CELF5: variants seen among roughly 807,000 people sequenced by gnomAD.
CELF5 encodes the protein CUGBP Elav-like family member 5, also known as CUG-BP and ETR-3 like factor 5.
A neutral mutation model predicts 54.9 loss-of-function variants in CELF5; 6 were observed. The ratio of observed to expected loss-of-function variants is 0.11; its 90% CI spans 0.06 to 0.22. The LOEUF is 0.22. CELF5 is among the 10% of genes least tolerant of loss of function. The pLI is 1.00. For missense variants in CELF5, 401 were observed against 678.6 expected, an observed-to-expected ratio of 0.59 and a Z score of 4.54; for synonymous variants, 271 against 290.9, an observed-to-expected ratio of 0.93 and a Z score of 0.70.
intron 1 of CELF5, among the ~76,000 whole-genome samples, chr19:3,235,028 A>T (rs1215088920): frequency 6.6e-6 from 1 of 151,774 alleles, no homozygotes; most frequent in Non-Finnish European, 1.5e-5. Context: ...TCCTCCCGTG[A>T]CCTGCCTCAT....
intron 2 of CELF5, among the ~76,000 whole-genome samples, chr19:3,253,045 A>G (rs575681182): frequency 1.5e-3 from 221 of 152,026 alleles, no homozygotes; most frequent in Middle Eastern, 3.4e-3. Context: ...TTCACTGTTC[A>G]TCTTGGACCT....
intron 1 of CELF5, among the ~76,000 whole-genome samples, chr19:3,227,875 A>T (rs931241432): frequency 6.6e-6 from 1 of 152,100 alleles, no homozygotes; most frequent in Non-Finnish European, 1.5e-5. Flanking sequence ...CCCCAAAGCC[A>T]AGAGTGAGGC....
intron 1 of CELF5, among the ~76,000 whole-genome samples, chr19:3,237,735 A>G (rs555280152): frequency 2.0e-5 from 3 of 152,244 alleles, no homozygotes; most frequent in South Asian, 4.1e-4. Context: ...CCAACCTCCT[A>G]TCTCATCTCG....
In CELF5 at chr19:3,282,374, G is replaced by A; in HGVS notation, c.915G>A (p.Leu305=). 2 of 1,610,576 alleles carry A rather than the reference G, an allele frequency of 1.2e-6. No individual in the cohort carries two copies. The highest frequency in any genetic ancestry group is 1.7e-6 in the Non-Finnish European group (2 of 1,179,990). ...CAGGGCTGCACTCACCCCCGCTGCT[G>A]GGCACCACCGCTGTGCCTGGCCTCG... is the stretch of plus-strand genomic sequence containing the variant. ...PASGLHSPPL[L]GTTAVPGLVA... is the part of the protein sequence containing the mutation. The change falls in exon 8 of 13, where the codon CTG becomes CTA. Residue 305 remains leucine, a synonymous_variant. Coordinates refer to ENST00000292672, the MANE Select transcript of CELF5 (RefSeq NM_021938.4). The surrounding 1 kb of genome is among the most constrained non-coding windows in gnomAD (Gnocchi z 5.2).
chr19:3,283,997 T>C (rs1387714450), intron 8 of CELF5, among the ~76,000 whole-genome samples: 1 of 151,678 alleles, frequency 6.6e-6, no homozygotes, highest in Admixed American at 6.6e-5. Context: ...GCCATTATGC[T>C]TGGCTAATTT....
At chr19:3,226,384 T>C (rs1364172731) in intron 1 of CELF5, among the ~76,000 whole-genome samples, 2 of 148,386 alleles carry the variant, frequency 1.3e-5, no homozygotes, top group Non-Finnish European at 3.0e-5. Flanking sequence ...CAGCTGGTTA[T>C]CTTGAGGGAG....
In CELF5 at chr19:3,275,559, G is replaced by C. The variant is rs2080034325; in HGVS notation, c.395-297G>C. On this transcript the variant is annotated intron_variant, in intron 3 of 12. Transcript: ENST00000292672. The surrounding 1 kb of genome is among the most constrained non-coding windows in gnomAD (Gnocchi z 6.7). The stretch of plus-strand genomic sequence containing the variant: ...GAGGGAAAGGTCATCTCCGCCTGGA[G>C]GGGGAGCAGTGGAGCAGAGACCCCA... Among the ~76,000 whole-genome samples, 1 of 152,250 alleles carries C rather than the reference G, an allele frequency of 6.6e-6. No individual in the cohort carries two copies. The highest frequency in any genetic ancestry group is 6.5e-5 in the Admixed American group (1 of 15,292).
At chr19:3,271,620 T>A (rs2079965850) in intron 2 of CELF5, among the ~76,000 whole-genome samples, 1 of 151,486 alleles carries the variant, frequency 6.6e-6, no homozygotes, top group African/African-American at 2.4e-5. Flanking sequence ...AAGGAGGGTG[T>A]CAGAATGGGA....
At chr19:3,285,109 A>G in intron 9 of CELF5, 145 bp downstream of exon 9, 1 of 638,946 alleles carries the variant, frequency 1.6e-6, no homozygotes, top group East Asian at 2.8e-5. Context: ...GCCCACCCTT[A>G]GCCCCTTGTC....
At position 3,282,240 on chromosome 19, in the gene CELF5, C is replaced by T. The variant is rs781743856; in HGVS notation, c.865C>T (p.Pro289Ser). 1.2e-5 allele frequency: 19 copies of T among 1,613,214 alleles called. No individual in the cohort carries two copies. The highest frequency in any genetic ancestry group is 1.5e-5 in the Non-Finnish European group (18 of 1,180,038). ...AGGCGCCGTCAGCCTCAACGGGCTG[C>T]CTGCCACACCCATCGCTCCTGCCTC... ...QIGAVSLNGLPATPIAPASGL... is the reference protein window; with the variant it reads ...QIGAVSLNGLSATPIAPASGL... Residue 289 changes from proline (P) to serine (S), a missense_variant, in exon 7 of 13, where the codon CCT becomes TCT. By Grantham distance (74) the Pro-to-Ser change is moderately conservative. Coordinates refer to ENST00000292672, the MANE Select transcript of CELF5 (RefSeq NM_021938.4). The surrounding 1 kb of genome is among the most constrained non-coding windows in gnomAD (Gnocchi z 5.2).
At chr19:3,285,763 TTGGCCCCGCCCTCTGGCC>T (rs1323022044) in intron 9 of CELF5, among the ~76,000 whole-genome samples, 161 bp from the exon 10 acceptor site, 10 of 129,110 alleles carry the variant, frequency 7.7e-5, no homozygotes, top group African/African-American at 2.3e-4. Flanking sequence ...GTCTGTGATC[TTGGCCCCGCCCTCTGGCC>T]TGGCCCCGCC....
Position 3,281,408 on chromosome 19 carries a change from CTG to C in CELF5, c.750+65_750+66del. 6.5e-7 allele frequency: 1 copy of C among 1,532,464 alleles called. No homozygotes were observed. Among genetic ancestry groups the C allele is most frequent in the Non-Finnish European group, 8.8e-7 (1 of 1,132,292 alleles). The allele number at this position is 1,532,464 out of a possible 1,614,324, so 94.9% of individuals were successfully genotyped here. ...GTCTCTCTCAGTCTCTGTCTACTCT[CTG>C]TCGGGCTCCTGCCTCTCCCTCCATC... is the stretch of plus-strand genomic sequence containing the variant. On this transcript the variant is annotated intron_variant, in intron 6 of 12. Transcript: ENST00000292672. The surrounding 1 kb of genome is among the most constrained non-coding windows in gnomAD (Gnocchi z 6.5).
intron 8 of CELF5, 77 bp from the exon 9 acceptor site, chr19:3,284,825 T>G (rs1013444743): frequency 2.1e-5 from 27 of 1,288,328 alleles, no homozygotes; most frequent in Non-Finnish European, 2.7e-5. Flanking sequence ...TTGCTGTCCT[T>G]GCGGCTCTTA....
intron 1 of CELF5, among the ~76,000 whole-genome samples, chr19:3,248,991 C>T (rs2079610917): frequency 6.6e-6 from 1 of 150,916 alleles, no homozygotes; most frequent in African/African-American, 2.4e-5. Context: ...CTGCCTGGTA[C>T]CCCCAGGGTT....
Position 3,270,594 on chromosome 19 carries a change from C to G in CELF5, c.343-3278C>G, listed in dbSNP as rs1224953817. 16 of 146,748 alleles carry G rather than the reference C, an allele frequency of 1.1e-4. No individual in the cohort carries two copies. In the East Asian group the frequency reaches 3.2e-3, roughly 29 times the overall value. 9.1% of individuals were successfully genotyped at this position (146,748 alleles called of 1,614,324 possible). The stretch of plus-strand genomic sequence containing the variant: ...GAGCGTGCAGTGCGGCGGGTGCGCG[C>G]CTGTGCGCCCGGGGCGGCCGGGCGG... On this transcript the variant is annotated intron_variant, in intron 2 of 12. Coordinates refer to ENST00000292672, the MANE Select transcript of CELF5 (RefSeq NM_021938.4).
chr19:3,244,547 T>C (rs2145034611), intron 1 of CELF5, among the ~76,000 whole-genome samples: 1 of 148,672 alleles, frequency 6.7e-6, no homozygotes, highest in South Asian at 2.2e-4. Flanking sequence ...GTAGTGTGTT[T>C]TGCATGCATT....
At position 3,285,985 on chromosome 19, in the gene CELF5, C is replaced by A; in HGVS notation, c.1146C>A (p.Val382=). 1.9e-6 allele frequency: 3 copies of A among 1,585,602 alleles called. No homozygotes were observed. The highest frequency in any genetic ancestry group is 1.1e-5 in the South Asian group (1 of 88,796). The change falls in exon 10 of 13, where the codon GTC becomes GTA. Residue 382 remains valine, a synonymous_variant. Transcript: ENST00000292672. ...TAAITPIAHS[V]PQPPPLLQQQ... is the part of the protein sequence containing the mutation. The stretch of plus-strand genomic sequence containing the variant: ...CCATCACGCCCATCGCGCACAGCGT[C>A]CCCCAGCCGCCGCCCCTCCTGCAGC...
chr19:3,226,767 C>CTT (rs11453088), intron 1 of CELF5, among the ~76,000 whole-genome samples: 11 of 143,914 alleles, frequency 7.6e-5, no homozygotes, highest in East Asian at 2.0e-4. Flanking sequence ...TCTTCTTCAT[C>CTT]TTTTTTTTTT....
chr19:3,242,625 T>C (rs1215880296), intron 1 of CELF5, among the ~76,000 whole-genome samples: 2 of 151,788 alleles, frequency 1.3e-5, no homozygotes, highest in African/African-American at 4.8e-5. Context: ...GCCGAGATGG[T>C]GAAAATCCTG....
Sources: gnomAD v4.1 joint callset for allele counts (sites outside exome capture counted in the v4.1 genomes callset) on GRCh38, gnomAD v4.1.1 for gene constraint, Gnocchi (gnomAD v3.1) non-coding constraint, MANE v1.5 for transcripts, NCBI Gene and HGNC (gene_info 2026-07-23, HGNC 2026-07-21) for gene names.